Variants in FANCC observed in about 807,000 individuals in gnomAD.
FANCC encodes the protein Fanconi anemia group C protein.
FANCC carries 55 observed loss-of-function variants against 71.3 expected under a neutral mutation model. The ratio of observed to expected loss-of-function variants is 0.77; its 90% CI spans 0.62 to 0.97. The LOEUF (loss-of-function observed/expected upper bound fraction) is 0.97. FANCC is among the 50% of genes least tolerant of loss of function. The probability of loss-of-function intolerance (pLI) is 0.00; values close to 1 mark genes in which losing one functional copy is unlikely to be tolerated. For missense variants in FANCC, 678 were observed against 670.9 expected, an observed-to-expected ratio of 1.01 and a Z score of -0.12; for synonymous variants, 275 against 244.9, an observed-to-expected ratio of 1.12 and a Z score of -1.15.
intron 4 of FANCC, among the ~76,000 whole-genome samples, chr9:95,219,429 C>T (rs1458391682): frequency 6.6e-6 from 1 of 152,074 alleles, no homozygotes; most frequent in African/African-American, 2.4e-5. Context: ...GGTCTTTCCC[C>T]ACATGGAGCC....
At chr9:95,171,373 G>A (rs1164350665) in intron 5 of FANCC, among the ~76,000 whole-genome samples, 1 of 150,384 alleles carries the variant, frequency 6.6e-6, no homozygotes, top group Non-Finnish European at 1.5e-5. Context: ...ATGAACAATA[G>A]ACAGGTCATT....
chr9:95,125,231 G>T, intron 9 of FANCC, 46 bp from the exon 10 acceptor site: 1 of 1,511,704 alleles, frequency 6.6e-7, no homozygotes, highest in Non-Finnish European at 9.2e-7. Flanking sequence ...CAAGTAATCC[G>T]GCAAACATGA....
intron 6 of FANCC, among the ~76,000 whole-genome samples, chr9:95,164,031 G>A (rs1459377425): frequency 6.6e-6 from 1 of 152,116 alleles, no homozygotes; most frequent in African/African-American, 2.4e-5. Context: ...TGGTGCTATT[G>A]TAAGCAGGAT....
intron 4 of FANCC, among the ~76,000 whole-genome samples, chr9:95,211,136 A>G (rs1399543486): frequency 6.6e-6 from 1 of 152,202 alleles, no homozygotes; most frequent in Non-Finnish European, 1.5e-5. Flanking sequence ...AACAGGCAGC[A>G]CCAGACTGTG....
intron 1 of FANCC, among the ~76,000 whole-genome samples, chr9:95,304,909 A>G (rs766628862): frequency 6.6e-6 from 1 of 152,168 alleles, no homozygotes; most frequent in African/African-American, 2.4e-5. Flanking sequence ...ACAGTTACCA[A>G]CTTCAGATTA....
intron 1 of FANCC, among the ~76,000 whole-genome samples, chr9:95,314,689 T>TA (rs1168026525): frequency 3.3e-5 from 5 of 151,552 alleles, no homozygotes; most frequent in Admixed American, 1.3e-4. Flanking sequence ...ACTTTATCGA[T>TA]AAAAAAAATT....
chr9:95,207,985 T>A (rs1283254548), intron 4 of FANCC, among the ~76,000 whole-genome samples: 1 of 151,408 alleles, frequency 6.6e-6, no homozygotes, highest in Non-Finnish European at 1.5e-5. Context: ...AGCCTAGATG[T>A]TAAAAATCCA....
intron 1 of FANCC, chr9:95,292,929 T>G (rs1371187204): frequency 1.3e-6 from 2 of 1,580,490 alleles, no homozygotes; most frequent in Non-Finnish European, 1.7e-6. Context: ...CGGCTGTCCC[T>G]ACGCCAGTAG....
chr9:95,115,731 C>T (rs1267347724), intron 11 of FANCC, among the ~76,000 whole-genome samples: 1 of 152,184 alleles, frequency 6.6e-6, no homozygotes, highest in Admixed American at 6.5e-5. Flanking sequence ...ACAAGGCCAG[C>T]GCCTCCCTCC....
intron 4 of FANCC, among the ~76,000 whole-genome samples, chr9:95,221,020 A>C (rs1829223511): frequency 6.6e-6 from 1 of 152,026 alleles, no homozygotes; most frequent in Admixed American, 6.6e-5. Flanking sequence ...TCACGAGGTC[A>C]AGAGATCGAG....
intron 10 of FANCC, among the ~76,000 whole-genome samples, chr9:95,124,323 C>G (rs1334869744): frequency 6.6e-6 from 1 of 152,112 alleles, no homozygotes; most frequent in African/African-American, 2.4e-5. Context: ...ATAAACATTA[C>G]TTCTGTGGCC....
chr9:95,252,155 T>C (rs1445454440), intron 1 of FANCC, among the ~76,000 whole-genome samples: 1 of 150,932 alleles, frequency 6.6e-6, no homozygotes. Flanking sequence ...GGCAGGAGCC[T>C]GTAATCCCAG....
intron 4 of FANCC, among the ~76,000 whole-genome samples, chr9:95,190,805 G>T (rs187001364): frequency 6.6e-6 from 1 of 152,302 alleles, no homozygotes; most frequent in Non-Finnish European, 1.5e-5. Context: ...CCCATTTTTA[G>T]ACACTGGAGA....
intron 4 of FANCC, among the ~76,000 whole-genome samples, chr9:95,203,038 A>G (rs1445417902): frequency 1.3e-5 from 2 of 152,210 alleles, no homozygotes; most frequent in African/African-American, 4.8e-5. Flanking sequence ...TCTAAAACCT[A>G]TGACTCCTTA....
At chr9:95,291,494 A>G (rs530913670) in intron 1 of FANCC, among the ~76,000 whole-genome samples, 1 of 152,336 alleles carries the variant, frequency 6.6e-6, no homozygotes, top group East Asian at 1.9e-4. Flanking sequence ...CTGCCAAAAA[A>G]AAAGAAATAA....
At chr9:95,103,545 T>A (rs2134405181) in intron 14 of FANCC, among the ~76,000 whole-genome samples, 1 of 152,276 alleles carries the variant, frequency 6.6e-6, no homozygotes, top group African/African-American at 2.4e-5. Flanking sequence ...CTCTGCTCTG[T>A]GCCGGCCTCC....
chr9:95,174,362 C>T (rs1176241258), intron 4 of FANCC, among the ~76,000 whole-genome samples: 1 of 152,096 alleles, frequency 6.6e-6, no homozygotes, highest in African/African-American at 2.4e-5. Flanking sequence ...GACTTAATCA[C>T]CCCCAAAGCC....
At chr9:95,145,056 A>T (rs646350) in intron 7 of FANCC, among the ~76,000 whole-genome samples, 107,723 of 152,178 alleles carry the variant, frequency 0.71, 39,035 homozygotes, top group East Asian at 0.91. Flanking sequence ...TAATCTTCTA[A>T]TTCTCTTTTT....
At chr9:95,259,230 C>T (rs1831867263) in intron 1 of FANCC, among the ~76,000 whole-genome samples, 1 of 152,058 alleles carries the variant, frequency 6.6e-6, no homozygotes. Context: ...TCCATATAGC[C>T]AAGACAATCC....
Sources: gnomAD v4.1 joint callset for allele counts (sites outside exome capture counted in the v4.1 genomes callset) on GRCh38, gnomAD v4.1.1 for gene constraint, MANE v1.5 for transcripts, NCBI Gene and HGNC (gene_info 2026-07-23, HGNC 2026-07-21) for gene names.